Variants in CAST observed in about 807,000 individuals in gnomAD.
CAST encodes MIR583 host.
CAST carries 76 observed loss-of-function variants against 119.6 expected under a neutral mutation model. The ratio of observed to expected loss-of-function variants is 0.64; its 90% confidence interval spans 0.53 to 0.77. The LOEUF is 0.77. Ranked by LOEUF, CAST falls within the 30% of genes least tolerant of loss-of-function variation. CAST has a pLI of 0.00. For synonymous variants in CAST, 319 were observed against 331.6 expected (o/e 0.96, Z 0.41); for missense variants, 953 against 946.5 (o/e 1.01, Z -0.09).
chr5:96,640,977 A>C (rs1427123581), intron 1 of CAST, among the ~76,000 whole-genome samples: 1 of 152,236 alleles, frequency 6.6e-6, no homozygotes, highest in Non-Finnish European at 1.5e-5. Flanking sequence ...TAATACCATA[A>C]AACTTTGCAA....
At chr5:96,210,583 T>C in the CAST span, among the ~76,000 whole-genome samples, 1 of 152,030 alleles carries the variant, frequency 6.6e-6, no homozygotes, top group Non-Finnish European at 1.5e-5. Context: ...ACAATTTTGA[T>C]TACTATAGCT....
At chr5:96,109,944 G>C in the CAST span, among the ~76,000 whole-genome samples, 3 of 148,164 alleles carry the variant, frequency 2.0e-5, no homozygotes, top group Non-Finnish European at 4.5e-5. Context: ...AAAAAAAAAA[G>C]AAAAAAAATA....
chr5:96,264,502 G>C, the CAST span, among the ~76,000 whole-genome samples: 1 of 152,118 alleles, frequency 6.6e-6, no homozygotes, highest in East Asian at 1.9e-4. Context: ...GAGTTTGTGG[G>C]AATGACATTT....
At chr5:96,424,686 G>A in the CAST span, among the ~76,000 whole-genome samples, 7 of 152,294 alleles carry the variant, frequency 4.6e-5, no homozygotes, top group South Asian at 2.1e-4. Context: ...CAAGAGGCCC[G>A]GTGCGGTGGC....
At chr5:96,049,891 A>AC in the CAST span, among the ~76,000 whole-genome samples, 5 of 69,024 alleles carry the variant, frequency 7.2e-5, no homozygotes, top group Non-Finnish European at 1.4e-4. Flanking sequence ...ACAGGAGGCA[A>AC]AAAAAAAAAA....
the CAST span, among the ~76,000 whole-genome samples, chr5:95,969,125 T>A: frequency 6.6e-6 from 1 of 152,174 alleles, no homozygotes; most frequent in Non-Finnish European, 1.5e-5. Flanking sequence ...CAGTAATCTG[T>A]TTTCACAGGA....
In CAST at chr5:96,626,127, A is replaced by G. The variant is rs115668658; in HGVS notation, c.61-49412A>G. Reference sequence around the variant, plus strand: ...TCTCATCCTGGCATCTGCTTCTCCAATAAGGACTGATGCACTGAGGAAGAG... The same window carrying G: ...TCTCATCCTGGCATCTGCTTCTCCAGTAAGGACTGATGCACTGAGGAAGAG... On this transcript the variant is annotated intron_variant, in intron 1 of 11. Coordinates refer to the CAST transcript ENST00000505143. Among the ~76,000 whole-genome samples, 243 of 152,224 alleles carry G rather than the reference A, an allele frequency of 1.6e-3. 1 individual carries two copies. Among genetic ancestry groups the G allele is most frequent in the African/African-American group, 5.6e-3 (234 of 41,528 alleles).
In CAST at chr5:96,766,173, A is replaced by G. The variant is rs374455819; in HGVS notation, c.2130+28A>G. ...AAACTGAGGCAAATTGCTAGATCGGATTTATGCTACCAAGATCTTTAAATT... is the reference window on the plus strand; with the variant it reads ...AAACTGAGGCAAATTGCTAGATCGGGTTTATGCTACCAAGATCTTTAAATT... On this transcript the variant is annotated intron_variant, in intron 27 of 31. Coordinates refer to ENST00000675179, the MANE Select transcript of CAST (RefSeq NM_001750.7). 99 of 1,229,844 alleles carry G rather than the reference A, an allele frequency of 8.0e-5. No homozygotes were observed. The African/African-American group carries it at 1.3e-3, about 16-fold the overall frequency. The allele number at this position is 1,229,844 out of a possible 1,614,324, so 76.2% of individuals were successfully genotyped here. A position where few individuals can be genotyped will look rare whatever the true frequency, so the allele number is the denominator to read the frequency against.
chr5:96,333,977 A>G, the CAST span, among the ~76,000 whole-genome samples: 6 of 152,176 alleles, frequency 3.9e-5, no homozygotes, highest in African/African-American at 1.4e-4. Context: ...TCTATATTTT[A>G]AAAATATTTT....
chr5:96,285,978 G>A, the CAST span, among the ~76,000 whole-genome samples: 46 of 152,264 alleles, frequency 3.0e-4, no homozygotes, highest in East Asian at 3.9e-4. Flanking sequence ...CCATTCTCCC[G>A]CTGGGGTGGA....
the CAST span, among the ~76,000 whole-genome samples, chr5:96,474,067 G>A: frequency 2.0e-5 from 3 of 152,244 alleles, no homozygotes; most frequent in East Asian, 1.9e-4. Context: ...GGAGGAAAGC[G>A]GGGGAAATCC....
At chr5:96,316,861 G>GTTTCTC in the CAST span, among the ~76,000 whole-genome samples, 2 of 152,144 alleles carry the variant, frequency 1.3e-5, no homozygotes, top group Admixed American at 6.5e-5. Flanking sequence ...AAGTAAATCT[G>GTTTCTC]TTTCTAGTTT....
chr5:96,063,920 T>A, the CAST span, among the ~76,000 whole-genome samples: 1 of 152,264 alleles, frequency 6.6e-6, no homozygotes, highest in East Asian at 1.9e-4. Flanking sequence ...AGAAGGTGTG[T>A]GTGTGCTGGA....
At chr5:96,500,341 G>A in the CAST span, among the ~76,000 whole-genome samples, 11 of 152,192 alleles carry the variant, frequency 7.2e-5, no homozygotes, top group African/African-American at 2.7e-4. Context: ...AGGTATGCCT[G>A]TATAATTAAC....
chr5:96,340,378 C>T, the CAST span, among the ~76,000 whole-genome samples: 2 of 152,136 alleles, frequency 1.3e-5, no homozygotes. Context: ...CCCTCCCCAC[C>T]ATGGTTAACT....
chr5:96,092,062 A>G, the CAST span, among the ~76,000 whole-genome samples: 1 of 152,190 alleles, frequency 6.6e-6, no homozygotes, highest in East Asian at 1.9e-4. Context: ...GAAATCCCCA[A>G]AGCAGAATCA....
chr5:96,030,315 A>T, the CAST span, among the ~76,000 whole-genome samples: 267 of 152,272 alleles, frequency 1.8e-3, no homozygotes, highest in African/African-American at 6.1e-3. Flanking sequence ...CATTTTATTA[A>T]CCTGATTTAT....
the CAST span, among the ~76,000 whole-genome samples, chr5:96,273,570 G>T: frequency 0.15 from 22,439 of 152,116 alleles, 2,368 homozygotes; most frequent in African/African-American, 0.28. Context: ...TGAAGAAAAA[G>T]GTTTTAGTTG....
intron 1 of CAST, among the ~76,000 whole-genome samples, chr5:96,531,187 G>A (rs1027446576): frequency 5.9e-5 from 9 of 152,200 alleles, no homozygotes; most frequent in African/African-American, 1.9e-4. Flanking sequence ...CTAGAGGATG[G>A]AAAGCAGATG....
Sources: allele counts gnomAD v4.1 joint callset (sites outside exome capture counted in the v4.1 genomes callset), GRCh38; gene constraint gnomAD v4.1.1; transcripts MANE v1.5; gene names NCBI Gene and HGNC (gene_info 2026-07-23, HGNC 2026-07-21).